Variants in NPHP3 observed in about 807,000 individuals in gnomAD.
NPHP3 encodes nephrocystin 3.
NPHP3 carries 123 observed loss-of-function variants against 171.9 expected under a neutral mutation model. That is an observed-to-expected ratio of 0.72 (90% CI 0.62 to 0.83). The LOEUF (loss-of-function observed/expected upper bound fraction) is 0.83, where lower values mean the gene tolerates loss of function less well. NPHP3 is among the 40% of genes least tolerant of loss of function. The pLI is 0.00. For missense variants in NPHP3, 1,506 were observed against 1,591.9 expected (o/e 0.95, Z 0.92); for synonymous variants, 558 against 579.2 (o/e 0.96, Z 0.52).
chr3:132,706,779 A>C (rs188729994), intron 7 of NPHP3, among the ~76,000 whole-genome samples: 1 of 152,320 alleles, frequency 6.6e-6, no homozygotes, highest in African/African-American at 2.4e-5. Context: ...TTTTAAAGTA[A>C]AGGTTATAGA....
At chr3:132,702,422 C>T (rs1939636763) in intron 9 of NPHP3, among the ~76,000 whole-genome samples, 1 of 152,140 alleles carries the variant, frequency 6.6e-6, no homozygotes, top group African/African-American at 2.4e-5. Flanking sequence ...GTGTAAAGTC[C>T]AAGAATTCCT....
chr3:132,714,981 T>A lies in NPHP3; in HGVS notation c.957+104A>T, dbSNP rs149812199. 459 of 926,834 alleles carry A rather than the reference T, an allele frequency of 5.0e-4. 4 individuals are homozygous for A. The East Asian group carries it at 0.011, about 23-fold the overall frequency. The allele number at this position is 926,834 out of a possible 1,614,324, so 57.4% of individuals were successfully genotyped here. The stretch of plus-strand genomic sequence containing the variant: ...GCTTCCTGTTCTTTAAGACATATAA[T>A]CTAGTAGGAAACTATTTGGTTGAGA... On this transcript the variant is annotated intron_variant, in intron 5 of 26. Coordinates refer to ENST00000337331, the MANE Select transcript of NPHP3 (RefSeq NM_153240.5).
chr3:132,703,364 TTA>T (rs1251287421), intron 9 of NPHP3, among the ~76,000 whole-genome samples: 1 of 152,228 alleles, frequency 6.6e-6, no homozygotes, highest in Non-Finnish European at 1.5e-5. Context: ...TTTTTAACTA[TTA>T]TATTTTTTTA....
intron 6 of NPHP3, among the ~76,000 whole-genome samples, chr3:132,712,011 G>C (rs1356316758): frequency 1.3e-5 from 2 of 152,152 alleles, no homozygotes; most frequent in African/African-American, 2.4e-5. Flanking sequence ...AATTAAAAAA[G>C]CAAAATGCTT....
intron 1 of NPHP3, 89 bp downstream of exon 1, chr3:132,721,874 G>A: frequency 6.6e-7 from 1 of 1,508,506 alleles, no homozygotes; most frequent in East Asian, 2.4e-5. Flanking sequence ...AGTTTCCGCC[G>A]AACTTTCAAA....
chr3:132,717,027 A>G lies in NPHP3; in HGVS notation c.671-118T>C, dbSNP rs72628561. 0.17 allele frequency: 187,901 copies of G among 1,127,030 alleles called. 20,065 individuals carry two copies. The highest frequency in any genetic ancestry group is 0.57 in the East Asian group (22,279 of 39,240). 69.8% of individuals were successfully genotyped at this position (1,127,030 alleles called of 1,614,324 possible). ...AAATATGAAAATATTACAAATATTC[A>G]AATGATTTTGAAAATACTTTGCCAT... On this transcript the variant is annotated intron_variant, in intron 3 of 26. Transcript: ENST00000337331.
intron 2 of NPHP3, 97 bp downstream of exon 2, chr3:132,719,608 T>C (rs996059228): frequency 2.5e-6 from 2 of 801,656 alleles, no homozygotes; most frequent in Non-Finnish European, 3.5e-6. Context: ...CTACATGACT[T>C]ACTTCTATTT....
chr3:132,721,017 A>C (rs1379363603), intron 1 of NPHP3, among the ~76,000 whole-genome samples: 1 of 151,994 alleles, frequency 6.6e-6, no homozygotes, highest in Non-Finnish European at 1.5e-5. Flanking sequence ...TCCCGGGTTC[A>C]AGCAATTCTC....
chr3:132,719,620 T>A, intron 2 of NPHP3, 85 bp downstream of exon 2: 4 of 881,458 alleles, frequency 4.5e-6, no homozygotes, highest in Non-Finnish European at 6.3e-6. Flanking sequence ...CTTCTATTTA[T>A]TCATCGCATT....
chr3:132,690,431 G>C, intron 19 of NPHP3, 97 bp downstream of exon 19: 1 of 1,162,500 alleles, frequency 8.6e-7, no homozygotes. Context: ...CAGATACTTA[G>C]ACTAATTTTT....
intron 2 of NPHP3, among the ~76,000 whole-genome samples, 198 bp downstream of exon 2, chr3:132,719,507 T>C (rs1318864673): frequency 6.6e-6 from 1 of 152,196 alleles, no homozygotes; most frequent in Non-Finnish European, 1.5e-5. Flanking sequence ...TTCACTTTCA[T>C]ACGTTTTTCT....
intron 6 of NPHP3, among the ~76,000 whole-genome samples, chr3:132,711,204 C>T (rs1345481080): frequency 6.6e-6 from 1 of 152,156 alleles, no homozygotes; most frequent in Non-Finnish European, 1.5e-5. Flanking sequence ...GCTCCAACAG[C>T]CCTTGTTTGT....
chr3:132,695,927 C>T (rs868049893), intron 15 of NPHP3, among the ~76,000 whole-genome samples: 8 of 152,188 alleles, frequency 5.3e-5, no homozygotes, highest in African/African-American at 1.9e-4. Context: ...GAGAGTGAGA[C>T]ACTGTCTCAA....
rs376029054 is a variant in NPHP3 at position 132,682,687 on chromosome 3, T to C, written c.3812+16A>G. ...AATAAAAGAGGCTGTATAAGGAAAG[T>C]GAAAAAAATTCTTACCTAAGCACAG... is the stretch of plus-strand genomic sequence containing the variant. On this transcript the variant is annotated intron_variant, in intron 26 of 26. Coordinates refer to ENST00000337331, the MANE Select transcript of NPHP3 (RefSeq NM_153240.5). 4.3e-5 allele frequency: 62 copies of C among 1,439,904 alleles called. No homozygotes were observed. The African/African-American group carries it at 8.7e-4, about 20-fold the overall frequency. 89.2% of individuals were successfully genotyped at this position (1,439,904 alleles called of 1,614,324 possible).
intron 4 of NPHP3, among the ~76,000 whole-genome samples, chr3:132,715,575 G>C (rs918813299): frequency 6.6e-6 from 1 of 152,188 alleles, no homozygotes. Context: ...AATATATTGA[G>C]TTAAAAGAAT....
intron 17 of NPHP3, among the ~76,000 whole-genome samples, chr3:132,691,759 T>G (rs1447365806): frequency 6.6e-6 from 1 of 152,230 alleles, no homozygotes; most frequent in East Asian, 1.9e-4. Context: ...AAGATTTACT[T>G]CTATGTGCTA....
intron 13 of NPHP3, among the ~76,000 whole-genome samples, chr3:132,698,022 C>T (rs900215388): frequency 2.6e-5 from 4 of 151,686 alleles, no homozygotes; most frequent in African/African-American, 7.3e-5. Flanking sequence ...CGTACTGTTG[C>T]CTAGGCTGGT....
chr3:132,709,226 T>C (rs1448607913), intron 6 of NPHP3, among the ~76,000 whole-genome samples: 2 of 148,122 alleles, frequency 1.4e-5, no homozygotes, highest in Non-Finnish European at 3.0e-5. Flanking sequence ...CTAGAACTAA[T>C]AATCTGCTGA....
At chr3:132,682,635 G>A (rs1939060076) in intron 26 of NPHP3, 68 bp downstream of exon 26, 8 of 923,976 alleles carry the variant, frequency 8.7e-6, no homozygotes, top group Non-Finnish European at 1.4e-5. Flanking sequence ...TACATATTTT[G>A]TGCTATTCTA....
Sources: gnomAD v4.1 joint callset for allele counts (sites outside exome capture counted in the v4.1 genomes callset) on GRCh38, gnomAD v4.1.1 for gene constraint, MANE v1.5 for transcripts, NCBI Gene and HGNC (gene_info 2026-07-23, HGNC 2026-07-21) for gene names.